The following ACOX2 variants were observed in gnomAD, a reference collection of about 807,000 sequenced individuals.
The protein encoded by ACOX2 is peroxisomal acyl-coenzyme A oxidase 2.
A neutral mutation model predicts 77.5 loss-of-function variants in ACOX2; 59 were observed. The observed-to-expected ratio is 0.76, with a 90% CI of 0.62 to 0.95. ACOX2 has a LOEUF of 0.95. Among genes scored for constraint, ACOX2 ranks in the 40% least tolerant of loss-of-function variants. ACOX2 has a pLI of 0.00. For missense variants in ACOX2, 837 were observed against 880.4 expected, an observed-to-expected ratio of 0.95 and a Z score of 0.62; for synonymous variants, 317 against 340.1, an observed-to-expected ratio of 0.93 and a Z score of 0.75.
At position 58,534,025 on chromosome 3, in the gene ACOX2, G is replaced by A. The variant is rs778337647; in HGVS notation, c.444C>T (p.Ile148=). The change falls in exon 4 of 15, where the codon ATC becomes ATT. Residue 148 remains isoleucine, a synonymous_variant. Coordinates refer to ENST00000302819, the MANE Select transcript of ACOX2 (RefSeq NM_003500.4). This position sits in a 1 kb window ranked among gnomAD's most constrained non-coding sequence, Gnocchi z 4.8. The stretch of plus-strand genomic sequence containing the variant: ...CCAACTCTGTCTGTGCATACGTTGC[G>A]ATGATCTGGATGTTTTTGCAGAGTG... ...WDPLCKNIQI[I]ATYAQTELGH... The A allele has an allele frequency of 3.2e-5, 52 of 1,614,050 alleles. No homozygotes were observed. The highest frequency in any genetic ancestry group is 1.0e-4 in the Admixed American group (6 of 59,998).
chr3:58,536,590 C>T (rs575998235), intron 1 of ACOX2, among the ~76,000 whole-genome samples: 2 of 152,160 alleles, frequency 1.3e-5, no homozygotes, highest in Admixed American at 1.3e-4. Context: ...CGGCTCCTCT[C>T]GTCCTGCCTT....
Position 58,534,096 on chromosome 3 carries a change from C to A in ACOX2, c.373G>T (p.Ala125Ser), listed in dbSNP as rs774603110. Reference protein sequence around the residue: ...ALNIHRVFVRALRSLGSEEQI... With the variant: ...ALNIHRVFVRSLRSLGSEEQI... ...TCCTCTGAGCCCAGGCTCCTGAGGGCTCTCACGAAGACTCTGTGTATATTT... is the reference window on the plus strand; with the variant it reads ...TCCTCTGAGCCCAGGCTCCTGAGGGATCTCACGAAGACTCTGTGTATATTT... Residue 125 changes from alanine (A) to serine (S), a missense_variant, in exon 4 of 15, where the codon GCC (alanine) becomes TCC (serine). Ala to Ser is a moderately conservative substitution (Grantham distance 99, BLOSUM62 1). Transcript: ENST00000302819. This position sits in a 1 kb window ranked among gnomAD's most constrained non-coding sequence, Gnocchi z 4.8. 1 of 1,614,050 alleles carries A rather than the reference C, an allele frequency of 6.2e-7. No homozygotes were observed. Among genetic ancestry groups the A allele is most frequent in the African/African-American group, 1.3e-5 (1 of 74,932 alleles).
chr3:58,505,417 T>A lies in ACOX2; in HGVS notation c.1984-131A>T. ...GATTCTTAATTTTAAAAATTATTTCTAAGACTCATTTTGTGTGAACATATG... is the reference window on the plus strand; with the variant it reads ...GATTCTTAATTTTAAAAATTATTTCAAAGACTCATTTTGTGTGAACATATG... On this transcript the variant is annotated intron_variant, in intron 14 of 14. Transcript: ENST00000302819. The surrounding 1 kb of genome is among the most constrained non-coding windows in gnomAD (Gnocchi z 4.4). 4.2e-6 allele frequency: 3 copies of A among 721,402 alleles called. No homozygotes were observed. Among genetic ancestry groups the A allele is most frequent in the Non-Finnish European group, 4.3e-6 (2 of 469,520 alleles). 44.7% of individuals were successfully genotyped at this position (721,402 alleles called of 1,614,324 possible). A position where few individuals can be genotyped will look rare whatever the true frequency, so the allele number is the denominator to read the frequency against.
In ACOX2 at chr3:58,517,272, G is replaced by C. The variant is rs140407587; in HGVS notation, c.1784C>G (p.Ala595Gly). Residue 595 changes from alanine to glycine, a missense_variant, in exon 13 of 15, where the codon GCC (alanine) becomes GGC (glycine). Transcript: ENST00000302819. ...GTCCACTTGGGCACCAGACAGGAAG[G>C]CGTCATGGAGAAAGTCACCCGAGTT... ...LTNSGDFLHD[A>G]FLSGAQVDMA... 28 of 1,614,054 alleles carry C rather than the reference G, an allele frequency of 1.7e-5. No homozygotes were observed. In the African/African-American group the frequency reaches 2.9e-4, roughly 17 times the overall value.
chr3:58,516,025 C>T (rs1013055854), intron 13 of ACOX2, among the ~76,000 whole-genome samples: 2 of 150,806 alleles, frequency 1.3e-5, no homozygotes, highest in African/African-American at 2.4e-5. Flanking sequence ...GGACTCTGAT[C>T]AGGTTGGGCT....
chr3:58,532,386 C>A (rs1302757018), intron 5 of ACOX2, among the ~76,000 whole-genome samples: 1 of 148,272 alleles, frequency 6.7e-6, no homozygotes, highest in South Asian at 2.2e-4. Flanking sequence ...TTTCTTCTTT[C>A]TTTCTTTCTT....
Position 58,531,791 on chromosome 3 carries a change from G to T in ACOX2, c.605C>A (p.Ala202Asp). The T allele has an allele frequency of 6.2e-7, 1 of 1,613,982 alleles. No homozygotes were observed. ...GCAGATCAGCTGGGCCTGGACCAGG[G>T]CATGGGTGGCTGACCGTCCCACTGA... ...PGDLGRSATH[A>D]LVQAQLICSG... Residue 202 changes from alanine (A) to aspartate (D), a missense_variant, in exon 6 of 15, where the codon GCC becomes GAC. Transcript: ENST00000302819. This position sits in a 1 kb window ranked among gnomAD's most constrained non-coding sequence, Gnocchi z 5.8.
At position 58,528,610 on chromosome 3, in the gene ACOX2, G is replaced by T. The variant is rs1419913522; in HGVS notation, c.1155+184C>A. 6.6e-6 allele frequency among the ~76,000 whole-genome samples: 1 copy of T among 151,822 alleles called. No individual in the cohort carries two copies. The highest frequency in any genetic ancestry group is 1.5e-5 in the Non-Finnish European group (1 of 68,004). ...TTAGTATGTTTGTAGCTCTCTGGGG[G>T]CTGGTTGTGGGTAAATTTATATACC... On this transcript the variant is annotated intron_variant, in intron 9 of 14. Coordinates refer to ENST00000302819, the MANE Select transcript of ACOX2 (RefSeq NM_003500.4). The surrounding 1 kb of genome is among the most constrained non-coding windows in gnomAD (Gnocchi z 5.6).
At position 58,534,020 on chromosome 3, in the gene ACOX2, G is replaced by A. The variant is rs145060799; in HGVS notation, c.449C>T (p.Thr150Met). 5.9e-5 allele frequency: 95 copies of A among 1,614,064 alleles called. No homozygotes were observed. Among genetic ancestry groups the A allele is most frequent in the Admixed American group, 1.2e-4 (7 of 60,000 alleles). The change falls in exon 4 of 15, where the codon ACG becomes ATG. Residue 150 changes from threonine to methionine, a missense_variant. Physicochemically the swap from Thr to Met is moderately conservative, Grantham distance 81 (BLOSUM62 -1). Transcript: ENST00000302819. This position sits in a 1 kb window ranked among gnomAD's most constrained non-coding sequence, Gnocchi z 4.8. ...ATGTCCCAACTCTGTCTGTGCATAC[G>A]TTGCGATGATCTGGATGTTTTTGCA... is the stretch of plus-strand genomic sequence containing the variant. Reference protein sequence around the residue: ...PLCKNIQIIATYAQTELGHGT... With the variant: ...PLCKNIQIIAMYAQTELGHGT...
At position 58,531,779 on chromosome 3, in the gene ACOX2, G is replaced by A; in HGVS notation, c.617C>T (p.Ala206Val). The change falls in exon 6 of 15, where the codon GCC becomes GTC. Residue 206 changes from alanine (A) to valine (V), a missense_variant. Physicochemically the swap from Ala to Val is moderately conservative, Grantham distance 64. Transcript: ENST00000302819. This position sits in a 1 kb window ranked among gnomAD's most constrained non-coding sequence, Gnocchi z 5.8. ...GRSATHALVQ[A>V]QLICSGARRG... is the part of the protein sequence containing the mutation. ...CCTGGCTCCTGAGCAGATCAGCTGG[G>A]CCTGGACCAGGGCATGGGTGGCTGA... 2 of 1,614,132 alleles carry A rather than the reference G, an allele frequency of 1.2e-6. No individual in the cohort carries two copies. The highest frequency in any genetic ancestry group is 1.7e-6 in the Non-Finnish European group (2 of 1,180,018).
At chr3:58,536,234 T>C (rs1186718381) in intron 1 of ACOX2, among the ~76,000 whole-genome samples, 2 of 152,010 alleles carry the variant, frequency 1.3e-5, no homozygotes, top group African/African-American at 4.8e-5. Flanking sequence ...TGCTCTAGGG[T>C]TAGGGACAAG....
rs965607019 is a variant in ACOX2 at position 58,522,386 on chromosome 3, G to A, written c.1632+110C>T. 1.5e-5 allele frequency: 15 copies of A among 1,018,978 alleles called. No individual in the cohort carries two copies. The highest frequency in any genetic ancestry group is 1.1e-4 in the African/African-American group (7 of 62,502). The allele number at this position is 1,018,978 out of a possible 1,614,324, so 63.1% of individuals were successfully genotyped here. ...CCTTGGAAGTGAAATGAGGGCAGCC[G>A]CCACTGAAGCAGAGTTGGGGAATAA... is the stretch of plus-strand genomic sequence containing the variant. On this transcript the variant is annotated intron_variant, in intron 12 of 14. Transcript: ENST00000302819. The surrounding 1 kb of genome is among the most constrained non-coding windows in gnomAD (Gnocchi z 4.3).
chr3:58,508,677 A>G (rs141389501), intron 14 of ACOX2, among the ~76,000 whole-genome samples: 68 of 152,236 alleles, frequency 4.5e-4, no homozygotes, highest in African/African-American at 1.6e-3. Flanking sequence ...CGAGCAGTGC[A>G]TTTTGCTGAT....
At position 58,524,605 on chromosome 3, in the gene ACOX2, C is replaced by A. The variant is rs772640701; in HGVS notation, c.1347G>T (p.Arg449Ser). 3 of 1,613,726 alleles carry A rather than the reference C, an allele frequency of 1.9e-6. No homozygotes were observed. Among genetic ancestry groups the A allele is most frequent in the South Asian group, 1.1e-5 (1 of 91,074 alleles). The change falls in exon 11 of 15, where the codon AGG becomes AGT. Residue 449 changes from arginine (R) to serine (S), a missense_variant and splice_region_variant. Transcript: ENST00000302819. The surrounding 1 kb of genome is among the most constrained non-coding windows in gnomAD (Gnocchi z 5.5). ...TCTGCAGGTAGCTCTTCACCAGGAA[C>A]CTGGGGGTTGGAAGAGGAGGCAGGT... is the stretch of plus-strand genomic sequence containing the variant. Reference protein sequence around the residue: ...ENTVLYLQVARFLVKSYLQTQ... With the variant: ...ENTVLYLQVASFLVKSYLQTQ...
In ACOX2 at chr3:58,521,563, G is replaced by C. The variant is rs528538896; in HGVS notation, c.1632+933C>G. ...CATGGTCAGGACCACCCTCAGTCCC[G>C]GTTCAGACTTGCTCCTTTCTAACTT... On this transcript the variant is annotated intron_variant, in intron 12 of 14. Coordinates refer to ENST00000302819, the MANE Select transcript of ACOX2 (RefSeq NM_003500.4). This position sits in a 1 kb window ranked among gnomAD's most constrained non-coding sequence, Gnocchi z 4.8. Among the ~76,000 whole-genome samples, 1 of 152,278 alleles carries C rather than the reference G, an allele frequency of 6.6e-6. No homozygotes were observed. The highest frequency in any genetic ancestry group is 1.9e-4 in the East Asian group (1 of 5,174).
At position 58,505,922 on chromosome 3, in the gene ACOX2, C is replaced by G. The variant is rs752974399; in HGVS notation, c.1984-636G>C. Among the ~76,000 whole-genome samples, 2 of 152,236 alleles carry G rather than the reference C, an allele frequency of 1.3e-5. No homozygotes were observed. The highest frequency in any genetic ancestry group is 3.9e-4 in the East Asian group (2 of 5,182). ...TCTTGTGCCTCAGCCTCCCGAGTAC[C>G]TTGGATTACAGGGGTGCACCACCAC... On this transcript the variant is annotated intron_variant, in intron 14 of 14. Coordinates refer to ENST00000302819, the MANE Select transcript of ACOX2 (RefSeq NM_003500.4). This position sits in a 1 kb window ranked among gnomAD's most constrained non-coding sequence, Gnocchi z 4.4.
intron 13 of ACOX2, among the ~76,000 whole-genome samples, chr3:58,513,813 G>T (rs979955765): frequency 1.3e-5 from 2 of 152,124 alleles, no homozygotes; most frequent in Non-Finnish European, 2.9e-5. Flanking sequence ...CAAACTTGTG[G>T]CTATGCTTGC....
Position 58,519,349 on chromosome 3 carries a change from A to T in ACOX2, c.1633-1926T>A, listed in dbSNP as rs1003816028. On this transcript the variant is annotated intron_variant, in intron 12 of 14. Coordinates refer to ENST00000302819, the MANE Select transcript of ACOX2 (RefSeq NM_003500.4). This position sits in a 1 kb window ranked among gnomAD's most constrained non-coding sequence, Gnocchi z 5.0. ...CAGTGAGCTGAGACCGTGCCACTGCACTCCAGCCTGGGTGGTGGAGTGAGA... is the reference window on the plus strand; with the variant it reads ...CAGTGAGCTGAGACCGTGCCACTGCTCTCCAGCCTGGGTGGTGGAGTGAGA... Among the ~76,000 whole-genome samples, 1 of 151,116 alleles carries T rather than the reference A, an allele frequency of 6.6e-6. No individual in the cohort carries two copies. The highest frequency in any genetic ancestry group is 1.5e-5 in the Non-Finnish European group (1 of 67,844).
Position 58,505,378 on chromosome 3 carries a change from G to T in ACOX2, c.1984-92C>A. 2 of 960,368 alleles carry T rather than the reference G, an allele frequency of 2.1e-6. No individual in the cohort carries two copies. Among genetic ancestry groups the T allele is most frequent in the South Asian group, 1.9e-5 (1 of 51,888 alleles). 59.5% of individuals were successfully genotyped at this position (960,368 alleles called of 1,614,324 possible). On this transcript the variant is annotated intron_variant, in intron 14 of 14. Transcript: ENST00000302819. This position sits in a 1 kb window ranked among gnomAD's most constrained non-coding sequence, Gnocchi z 4.4. ...CAAATTAAGTCTCTAGCTTCAAAAA[G>T]TAACATTACGTAAGATTCTTAATTT...
Sources: gnomAD v4.1 joint callset for allele counts (sites outside exome capture counted in the v4.1 genomes callset) on GRCh38, gnomAD v4.1.1 for gene constraint, Gnocchi (gnomAD v3.1) non-coding constraint, MANE v1.5 for transcripts, NCBI Gene and HGNC (gene_info 2026-07-23, HGNC 2026-07-21) for gene names.